The following MAF variants were observed in gnomAD, a reference collection of about 807,000 sequenced individuals.
MAF encodes the protein transcription factor Maf.
In MAF, 10 loss-of-function variants were observed where a neutral mutation model predicts 22.0. The ratio of observed to expected loss-of-function variants is 0.45; its 90% CI spans 0.28 to 0.77. MAF has a LOEUF of 0.77. MAF is among the 30% of genes least tolerant of loss of function. The probability of loss-of-function intolerance (pLI) is 0.12; values close to 1 mark genes in which losing one functional copy is unlikely to be tolerated. For synonymous variants in MAF, 337 were observed against 255.8 expected, an observed-to-expected ratio of 1.32 and a Z score of -3.03; for missense variants, 544 against 548.4, an observed-to-expected ratio of 0.99 and a Z score of 0.08.
At chr16:79,566,549 C>T in the MAF span, among the ~76,000 whole-genome samples, 1 of 152,378 alleles carries the variant, frequency 6.6e-6, no homozygotes, top group Admixed American at 6.5e-5. Context: ...TGATCCTGGA[C>T]ATGCATTCCT....
the MAF span, among the ~76,000 whole-genome samples, chr16:79,490,533 A>T: frequency 6.6e-6 from 1 of 152,228 alleles, no homozygotes; most frequent in Admixed American, 6.5e-5. Context: ...AGAAAGAGAC[A>T]GATCTATATG....
rs1316735017 is a variant in MAF, at chr16:79,599,259, C to A, written c.644G>T (p.Gly215Val). ...GCTGGCCGGGCCACCGCCGCCCGCG[C>A]CCCCAGCGCCACCGGCCGAGGCGGC... ...SAAASAGGAGGAGGGGPASAG... is the reference protein window; with the variant it reads ...SAAASAGGAGVAGGGGPASAG... The change falls in exon 1 of 2, where the codon GGC becomes GTC. Residue 215 changes from glycine (G) to valine (V), a missense_variant. Physicochemically the swap from Gly to Val is moderately radical, Grantham distance 109. Transcript: ENST00000326043. 2 of 978,414 alleles carry A rather than the reference C, an allele frequency of 2.0e-6. No homozygotes were observed. The highest frequency in any genetic ancestry group is 3.5e-5 in the African/African-American group (2 of 56,428). The allele number at this position is 978,414 out of a possible 1,614,324, so 60.6% of individuals were successfully genotyped here.
the MAF span, among the ~76,000 whole-genome samples, chr16:79,476,496 T>C: frequency 1.3e-5 from 2 of 152,188 alleles, no homozygotes; most frequent in African/African-American, 2.4e-5. Flanking sequence ...GTGAAGTGCA[T>C]TTCTTAAGAT....
chr16:79,211,755 G>T, the MAF span: 1 of 1,614,200 alleles, frequency 6.2e-7, no homozygotes, highest in South Asian at 1.1e-5. Flanking sequence ...GGCGCTCAGC[G>T]AGAGGCTGAT....
chr16:79,545,752 G>T, the MAF span, among the ~76,000 whole-genome samples: 1 of 152,076 alleles, frequency 6.6e-6, no homozygotes, highest in Non-Finnish European at 1.5e-5. Flanking sequence ...CAGGGGATGG[G>T]GAGTGGGGGA....
the MAF span, among the ~76,000 whole-genome samples, chr16:79,439,225 C>T: frequency 3.3e-5 from 5 of 152,014 alleles, no homozygotes; most frequent in South Asian, 1.0e-3. Context: ...ACCTCTTTCA[C>T]CATCCCTATC....
chr16:79,268,687 CA>C, the MAF span, among the ~76,000 whole-genome samples: 2 of 152,152 alleles, frequency 1.3e-5, no homozygotes, highest in African/African-American at 4.8e-5. Context: ...TGAAAGAAAT[CA>C]AACTACCCAA....
chr16:79,364,072 CCT>C, the MAF span, among the ~76,000 whole-genome samples: 1 of 152,138 alleles, frequency 6.6e-6, no homozygotes, highest in East Asian at 1.9e-4. Context: ...TTAATTTAAT[CCT>C]TGTCTGTGTC....
At chr16:79,418,427 T>G in the MAF span, among the ~76,000 whole-genome samples, 111 of 152,190 alleles carry the variant, frequency 7.3e-4, no homozygotes, top group South Asian at 7.7e-3. Context: ...CATTCTGTTG[T>G]GACAGACAGA....
At chr16:79,587,483 G>A (rs1207729684) in intron 1 of MAF, among the ~76,000 whole-genome samples, 4 of 152,038 alleles carry the variant, frequency 2.6e-5, no homozygotes, top group African/African-American at 9.7e-5. Context: ...AGTGAATAGA[G>A]TTTAAAAGCT....
the MAF span, among the ~76,000 whole-genome samples, chr16:79,491,691 C>T: frequency 6.6e-5 from 10 of 152,276 alleles, no homozygotes; most frequent in Middle Eastern, 3.4e-3. Context: ...AAGTAAATTA[C>T]GCCAACTGAT....
the MAF span, among the ~76,000 whole-genome samples, chr16:79,504,339 T>G: frequency 5.7e-4 from 87 of 152,340 alleles, 1 homozygote; most frequent in African/African-American, 2.0e-3. Flanking sequence ...CAGATAAGCA[T>G]GATATAACAG....
At chr16:79,448,837 C>A in the MAF span, among the ~76,000 whole-genome samples, 2 of 151,788 alleles carry the variant, frequency 1.3e-5, no homozygotes, top group Non-Finnish European at 2.9e-5. Flanking sequence ...CTTTTTGGCA[C>A]CAGGGACTCG....
the MAF span, among the ~76,000 whole-genome samples, chr16:79,394,241 C>A: frequency 2.6e-5 from 4 of 152,188 alleles, no homozygotes; most frequent in East Asian, 1.9e-4. Flanking sequence ...CAGTCTGGGG[C>A]AGAAAACAGC....
At chr16:79,220,113 G>A in the MAF span, among the ~76,000 whole-genome samples, 72 of 151,926 alleles carry the variant, frequency 4.7e-4, no homozygotes, top group African/African-American at 1.6e-3. Flanking sequence ...AAAATTAGCC[G>A]GGTGTGGTGG....
the MAF span, among the ~76,000 whole-genome samples, chr16:79,406,232 T>C: frequency 2.6e-5 from 4 of 152,224 alleles, no homozygotes; most frequent in African/African-American, 9.6e-5. Context: ...CTTGCCTTCA[T>C]ATCCTGTCTC....
chr16:79,573,842 T>G, the MAF span, among the ~76,000 whole-genome samples: 1 of 152,234 alleles, frequency 6.6e-6, no homozygotes, highest in African/African-American at 2.4e-5. Flanking sequence ...TAGGGGTCTT[T>G]TGAAAACCTA....
In MAF at chr16:79,600,658, G is replaced by A. The variant is rs913819887; in HGVS notation, c.-756C>T. 2.5e-5 allele frequency: 5 copies of A among 196,406 alleles called. No homozygotes were observed. In the East Asian group the frequency reaches 4.5e-4, roughly 18 times the overall value. 12.2% of individuals were successfully genotyped at this position (196,406 alleles called of 1,614,324 possible). ...AAGACGAGGCAGAGAGCAAAGGGGG[G>A]AGGGGGAGGCCAAGCCGACAAGCAG... On this transcript the variant is annotated 5_prime_UTR_variant, in exon 1 of 2. Transcript: ENST00000326043.
At chr16:79,328,019 C>A in the MAF span, among the ~76,000 whole-genome samples, 2 of 152,286 alleles carry the variant, frequency 1.3e-5, no homozygotes, top group Middle Eastern at 6.8e-3. Context: ...GCCTCAATTT[C>A]CTTCTCTGTG....
Sources: gnomAD v4.1 joint callset for allele counts (sites outside exome capture counted in the v4.1 genomes callset) on GRCh38, gnomAD v4.1.1 for gene constraint, MANE v1.5 for transcripts, NCBI Gene and HGNC (gene_info 2026-07-23, HGNC 2026-07-21) for gene names.